The following SNTG1 variants were observed in gnomAD, a reference collection of about 807,000 sequenced individuals.
SNTG1 encodes gamma-1-syntrophin.
In SNTG1, 39 loss-of-function variants were observed where a neutral mutation model predicts 74.7. The observed-to-expected ratio is 0.52, with a 90% confidence interval of 0.40 to 0.68. The LOEUF (loss-of-function observed/expected upper bound fraction) is 0.68. Ranked by LOEUF, SNTG1 falls within the 30% of genes least tolerant of loss-of-function variation. SNTG1 has a pLI of 0.00. For synonymous variants in SNTG1, 254 were observed against 217.1 expected (o/e 1.17, Z -1.49); for missense variants, 685 against 609.5 (o/e 1.12, Z -1.30).
At chr8:50,081,718 C>T (rs1221067325) in intron 1 of SNTG1, among the ~76,000 whole-genome samples, 6 of 152,262 alleles carry the variant, frequency 3.9e-5, no homozygotes, top group Admixed American at 1.3e-4. Context: ...ACTGCAACCT[C>T]TGCCTCCCGA....
intron 2 of SNTG1, among the ~76,000 whole-genome samples, chr8:50,338,267 A>G (rs1159031050): frequency 6.6e-6 from 1 of 152,240 alleles, no homozygotes; most frequent in Non-Finnish European, 1.5e-5. Context: ...CTACAGCTGC[A>G]GCAAGCAGTA....
intron 1 of SNTG1, among the ~76,000 whole-genome samples, chr8:50,042,261 T>C (rs1252219207): frequency 1.3e-5 from 2 of 152,164 alleles, no homozygotes; most frequent in African/African-American, 4.8e-5. Context: ...CCTACAGCAA[T>C]CTATCTAGTC....
intron 8 of SNTG1, among the ~76,000 whole-genome samples, chr8:50,454,202 C>T (rs941922690): frequency 2.0e-5 from 3 of 152,262 alleles, no homozygotes; most frequent in Admixed American, 2.0e-4. Context: ...GATCACATAT[C>T]AAGAATTATC....
At chr8:50,517,043 G>A (rs2094139176) in intron 9 of SNTG1, among the ~76,000 whole-genome samples, 1 of 152,160 alleles carries the variant, frequency 6.6e-6, no homozygotes, top group African/African-American at 2.4e-5. Flanking sequence ...AGCAGCCAGA[G>A]AGAAAGGTCG....
chr8:50,629,227 A>AT (rs1286928639), intron 13 of SNTG1, among the ~76,000 whole-genome samples: 4 of 151,822 alleles, frequency 2.6e-5, no homozygotes, highest in African/African-American at 7.3e-5. Context: ...TACAGCAGAG[A>AT]TTTTTTTCAA....
chr8:50,108,912 C>G (rs1423620238), intron 1 of SNTG1, among the ~76,000 whole-genome samples: 1 of 152,008 alleles, frequency 6.6e-6, no homozygotes, highest in Non-Finnish European at 1.5e-5. Flanking sequence ...GTGAGATGAC[C>G]CTGTCTGGAG....
intron 13 of SNTG1, among the ~76,000 whole-genome samples, chr8:50,653,389 A>AC (rs2095160586): frequency 6.6e-6 from 1 of 151,878 alleles, no homozygotes; most frequent in Admixed American, 6.6e-5. Flanking sequence ...GTGAACTGTG[A>AC]CCCCCACACT....
At chr8:49,928,455 T>C (rs1807249838) in intron 1 of SNTG1, among the ~76,000 whole-genome samples, 1 of 152,024 alleles carries the variant, frequency 6.6e-6, no homozygotes, top group African/African-American at 2.4e-5. Context: ...GCTCTCGAAC[T>C]CCTAACCTCA....
At chr8:50,294,570 G>A (rs569427647) in intron 2 of SNTG1, among the ~76,000 whole-genome samples, 130 of 152,242 alleles carry the variant, frequency 8.5e-4, no homozygotes, top group Non-Finnish European at 1.5e-3. Context: ...TATTTATGAG[G>A]CAGGAGGAAA....
At chr8:50,553,681 T>C (rs1316677466) in intron 12 of SNTG1, among the ~76,000 whole-genome samples, 1 of 152,144 alleles carries the variant, frequency 6.6e-6, no homozygotes, top group African/African-American at 2.4e-5. Context: ...TTTTCTCTCT[T>C]TCCACTACAA....
chr8:50,063,893 A>T (rs1820684438), intron 1 of SNTG1, among the ~76,000 whole-genome samples: 1 of 152,202 alleles, frequency 6.6e-6, no homozygotes, highest in Non-Finnish European at 1.5e-5. Context: ...TACATATCTC[A>T]AGCTCTAATC....
At chr8:50,020,989 C>T (rs181964702) in intron 1 of SNTG1, among the ~76,000 whole-genome samples, 1 of 152,220 alleles carries the variant, frequency 6.6e-6, no homozygotes, top group Non-Finnish European at 1.5e-5. Context: ...ACCTCAGAAT[C>T]CTTTTAGCCA....
intron 9 of SNTG1, among the ~76,000 whole-genome samples, chr8:50,506,120 T>C (rs1300793047): frequency 6.6e-6 from 1 of 152,108 alleles, no homozygotes; most frequent in Non-Finnish European, 1.5e-5. Flanking sequence ...TCTTTCCCTA[T>C]TGTATAACCT....
At chr8:50,444,840 A>G (rs1735117499) in intron 5 of SNTG1, among the ~76,000 whole-genome samples, 1 of 152,146 alleles carries the variant, frequency 6.6e-6, no homozygotes, top group African/African-American at 2.4e-5. Context: ...AGTTGAAACC[A>G]CTGGTCAATT....
chr8:50,268,669 A>C (rs201467551), intron 2 of SNTG1, among the ~76,000 whole-genome samples: 2 of 119,374 alleles, frequency 1.7e-5, no homozygotes, highest in Admixed American at 1.7e-4. Context: ...TTTTTTTTTT[A>C]ATTTTTAGGC....
intron 12 of SNTG1, among the ~76,000 whole-genome samples, chr8:50,577,290 T>C (rs2094582150): frequency 6.6e-6 from 1 of 152,176 alleles, no homozygotes; most frequent in East Asian, 1.9e-4. Context: ...GATTTTCATG[T>C]GTTGAACCAA....
chr8:50,266,181 A>G (rs2087456077), intron 2 of SNTG1, among the ~76,000 whole-genome samples: 1 of 152,136 alleles, frequency 6.6e-6, no homozygotes, highest in African/African-American at 2.4e-5. Context: ...TCTAGATTTT[A>G]ATACTCACTT....
At chr8:50,134,074 G>A (rs1231684720) in intron 1 of SNTG1, among the ~76,000 whole-genome samples, 2 of 152,178 alleles carry the variant, frequency 1.3e-5, no homozygotes, top group Non-Finnish European at 2.9e-5. Flanking sequence ...TGGGGCAGGG[G>A]CTGCCAAGAT....
intron 8 of SNTG1, among the ~76,000 whole-genome samples, chr8:50,475,082 TG>T (rs939141986): frequency 4.0e-5 from 2 of 50,016 alleles, no homozygotes; most frequent in Admixed American, 3.3e-4. Context: ...TGTTGTGGGG[TG>T]GGGGGAGGGG....
Sources: gnomAD v4.1 joint callset for allele counts (sites outside exome capture counted in the v4.1 genomes callset) on GRCh38, gnomAD v4.1.1 for gene constraint, MANE v1.5 for transcripts, NCBI Gene and HGNC (gene_info 2026-07-23, HGNC 2026-07-21) for gene names.